Variants in DPF3 observed in about 807,000 individuals in gnomAD.
DPF3 encodes the protein zinc finger protein DPF3.
In DPF3, 18 loss-of-function variants were observed where a neutral mutation model predicts 56.8. The ratio of observed to expected loss-of-function variants is 0.32; its 90% CI spans 0.22 to 0.47. DPF3 has a LOEUF of 0.47. Ranked by LOEUF, DPF3 falls within the 20% of genes least tolerant of loss-of-function variation. The pLI, the probability that DPF3 is intolerant of heterozygous loss-of-function variation, is 1.00. For synonymous variants in DPF3, 188 were observed against 180.2 expected (o/e 1.04, Z -0.35); for missense variants, 403 against 488.8 (o/e 0.82, Z 1.65).
chr14:72,804,410 C>T (rs1337509195), intron 1 of DPF3, among the ~76,000 whole-genome samples: 1 of 152,120 alleles, frequency 6.6e-6, no homozygotes, highest in East Asian at 1.9e-4. Context: ...TGGATACCAC[C>T]CCACCAGGAG....
chr14:72,672,083 A>ACC (rs1567196067), intron 8 of DPF3, among the ~76,000 whole-genome samples: 55 of 150,236 alleles, frequency 3.7e-4, no homozygotes, highest in African/African-American at 1.3e-3. Context: ...ACACACACAC[A>ACC]CCCAGCCACC....
chr14:72,770,576 C>T (rs907333798), intron 2 of DPF3, among the ~76,000 whole-genome samples: 1 of 152,166 alleles, frequency 6.6e-6, no homozygotes, highest in South Asian at 2.1e-4. Flanking sequence ...GATGAAATCA[C>T]GTGCTTTTGT....
chr14:72,797,239 G>A (rs997168525), intron 1 of DPF3, among the ~76,000 whole-genome samples: 13 of 152,166 alleles, frequency 8.5e-5, no homozygotes, highest in Non-Finnish European at 1.5e-4. Flanking sequence ...TATCCTAGAT[G>A]AAGCTATTCA....
At chr14:72,792,230 G>A (rs568188589) in intron 1 of DPF3, among the ~76,000 whole-genome samples, 4 of 152,232 alleles carry the variant, frequency 2.6e-5, no homozygotes, top group African/African-American at 7.2e-5. Context: ...GGACTGTCAC[G>A]AGGAGACTCT....
chr14:72,778,932 AGCCACT>A, intron 1 of DPF3, among the ~76,000 whole-genome samples: 1 of 152,346 alleles, frequency 6.6e-6, no homozygotes, highest in East Asian at 1.9e-4. Flanking sequence ...ACATCTGCAG[AGCCACT>A]GCACACAGAC....
chr14:72,707,275 C>T (rs575912498), intron 6 of DPF3, among the ~76,000 whole-genome samples: 3 of 152,124 alleles, frequency 2.0e-5, no homozygotes, highest in East Asian at 1.9e-4. Context: ...TGAATAGTGC[C>T]GCAATAAACA....
At chr14:72,801,965 T>A (rs972165997) in intron 1 of DPF3, among the ~76,000 whole-genome samples, 1 of 152,180 alleles carries the variant, frequency 6.6e-6, no homozygotes, top group African/African-American at 2.4e-5. Context: ...TGGGGATTGA[T>A]ACCACCCCTG....
chr14:72,681,270 C>T (rs1887156765), intron 7 of DPF3, among the ~76,000 whole-genome samples: 1 of 152,190 alleles, frequency 6.6e-6, no homozygotes. Flanking sequence ...CTAAGTCCCT[C>T]TTATATCGGG....
At chr14:72,825,339 CA>C (rs540078822) in intron 1 of DPF3, among the ~76,000 whole-genome samples, 57 of 152,358 alleles carry the variant, frequency 3.7e-4, no homozygotes, top group South Asian at 2.5e-3. Flanking sequence ...ATTGAATATA[CA>C]GACCCACAAG....
chr14:72,689,100 G>A (rs1383960144), intron 7 of DPF3, among the ~76,000 whole-genome samples: 6 of 152,170 alleles, frequency 3.9e-5, no homozygotes, highest in South Asian at 2.1e-4. Context: ...AGGGCAGCAT[G>A]GGCGGGGGCG....
rs568082131 is a variant in DPF3 at position 72,839,839 on chromosome 14, G to GC, written c.32+54217dup. Among the ~76,000 whole-genome samples, 26 of 152,290 alleles carry GC rather than the reference G, an allele frequency of 1.7e-4. No individual in the cohort carries two copies. In the South Asian group the frequency reaches 5.4e-3, roughly 32 times the overall value. On this transcript the variant is annotated intron_variant, in intron 1 of 10. Transcript: ENST00000556509. ...GTAGGACCCACACCTGTGAGAGAGGGCCCCACGGGAATCTCAGCTTGGATC... is the reference window on the plus strand; with the variant it reads ...GTAGGACCCACACCTGTGAGAGAGGGCCCCCACGGGAATCTCAGCTTGGATC...
At chr14:72,706,796 T>C (rs1010009261) in intron 6 of DPF3, among the ~76,000 whole-genome samples, 2 of 152,120 alleles carry the variant, frequency 1.3e-5, no homozygotes, top group African/African-American at 4.8e-5. Flanking sequence ...TGCAAAGGTA[T>C]AGCTGGAACA....
chr14:72,731,350 C>T (rs986333029), intron 4 of DPF3: 10 of 155,108 alleles, frequency 6.4e-5, no homozygotes, highest in East Asian at 1.9e-4. Context: ...TGCTGGGAAA[C>T]GGAGTGTGCA....
intron 7 of DPF3, among the ~76,000 whole-genome samples, chr14:72,675,078 G>A (rs1026133087): frequency 2.0e-5 from 3 of 152,180 alleles, no homozygotes; most frequent in African/African-American, 4.8e-5. Flanking sequence ...TGGATTAAAC[G>A]GTGAGTTACT....
chr14:72,693,035 C>T, intron 7 of DPF3, 41 bp downstream of exon 7: 1 of 1,612,272 alleles, frequency 6.2e-7, no homozygotes, highest in Non-Finnish European at 8.5e-7. Context: ...GCCTGTCTAA[C>T]CCACTTCTTC....
At chr14:72,700,136 C>T (rs12434793) in intron 6 of DPF3, among the ~76,000 whole-genome samples, 83,138 of 151,992 alleles carry the variant, frequency 0.55, 23,290 homozygotes, top group African/African-American at 0.61. Flanking sequence ...ACTGCTTCAT[C>T]ACAATGGAAA....
rs192266161 is a variant in DPF3, at chr14:72,726,829, C to T, written c.430-3101G>A. ...TAAACAGTCTTTATGGTGATAACAGCGGTTTGTGGTTGTGTTTAAAAAAAA... is the reference window on the plus strand; with the variant it reads ...TAAACAGTCTTTATGGTGATAACAGTGGTTTGTGGTTGTGTTTAAAAAAAA... On this transcript the variant is annotated intron_variant, in intron 4 of 10. Transcript: ENST00000556509. 1.1e-4 allele frequency among the ~76,000 whole-genome samples: 16 copies of T among 151,862 alleles called. No individual in the cohort carries two copies. In the East Asian group the frequency reaches 2.5e-3, roughly 24 times the overall value.
intron 1 of DPF3, among the ~76,000 whole-genome samples, chr14:72,818,836 A>G (rs2140030627): frequency 1.3e-5 from 2 of 152,340 alleles, no homozygotes; most frequent in Middle Eastern, 3.4e-3. Context: ...AGATGTTGTT[A>G]AGAGGATGAA....
intron 1 of DPF3, among the ~76,000 whole-genome samples, chr14:72,826,673 G>A (rs2140043815): frequency 6.6e-6 from 1 of 152,192 alleles, no homozygotes; most frequent in South Asian, 2.1e-4. Context: ...ATCTGCAGAG[G>A]GTGCAAAAAT....
Sources: gnomAD v4.1 joint callset for allele counts (sites outside exome capture counted in the v4.1 genomes callset) on GRCh38, gnomAD v4.1.1 for gene constraint, MANE v1.5 for transcripts, NCBI Gene and HGNC (gene_info 2026-07-23, HGNC 2026-07-21) for gene names.